Variants in SFMBT1 observed in about 807,000 individuals in gnomAD.
SFMBT1 encodes scm-like with four MBT domains protein 1.
SFMBT1 carries 32 observed loss-of-function variants against 108.7 expected under a neutral mutation model. The ratio of observed to expected loss-of-function variants is 0.29; its 90% CI spans 0.22 to 0.40. The LOEUF is 0.40. Ranked by LOEUF, SFMBT1 falls within the 10% of genes least tolerant of loss-of-function variation. SFMBT1 has a pLI of 1.00. For synonymous variants in SFMBT1, 348 were observed against 369.5 expected, an observed-to-expected ratio of 0.94 and a Z score of 0.67; for missense variants, 816 against 1,059.6, an observed-to-expected ratio of 0.77 and a Z score of 3.19.
intron 12 of SFMBT1, among the ~76,000 whole-genome samples, chr3:52,920,318 A>C (rs1044044756): frequency 2.6e-5 from 4 of 152,170 alleles, no homozygotes; most frequent in Non-Finnish European, 5.9e-5. Flanking sequence ...CCTGTGAGAG[A>C]CTCAGATCCA....
chr3:52,969,108 A>G lies in SFMBT1; in HGVS notation c.21T>C (p.Leu7=). 1 of 1,614,104 alleles carries G rather than the reference A, an allele frequency of 6.2e-7. No individual in the cohort carries two copies. The highest frequency in any genetic ancestry group is 8.5e-7 in the Non-Finnish European group (1 of 1,180,004). The part of the protein sequence containing the change: MNGEQQ[L]DADAGSGMEE... ...TGAGAATAAAACCAATACCTGCATC[A>G]AGCTGCTGCTCCCCGTTCATTTCCA... The change falls in exon 2 of 21, where the codon CTT becomes CTC. Residue 7 remains leucine, a synonymous_variant. Coordinates refer to ENST00000394752, the MANE Select transcript of SFMBT1 (RefSeq NM_016329.4).
At chr3:53,026,567 T>G (rs1270663318) in intron 1 of SFMBT1, among the ~76,000 whole-genome samples, 1 of 151,566 alleles carries the variant, frequency 6.6e-6, no homozygotes, top group Non-Finnish European at 1.5e-5. Flanking sequence ...TGCATGTTCA[T>G]GGCCACAAGT....
intron 1 of SFMBT1, among the ~76,000 whole-genome samples, chr3:52,977,306 C>T (rs1259269672): frequency 1.3e-5 from 2 of 151,908 alleles, no homozygotes; most frequent in African/African-American, 4.8e-5. Context: ...GTCAGGAGTT[C>T]GAGACCAGCC....
chr3:52,910,375 T>C (rs771077783), intron 17 of SFMBT1, among the ~76,000 whole-genome samples: 7 of 152,224 alleles, frequency 4.6e-5, no homozygotes, highest in Non-Finnish European at 1.0e-4. Context: ...CAATAACTAA[T>C]TTATATACAT....
intron 10 of SFMBT1, among the ~76,000 whole-genome samples, chr3:52,922,379 T>C (rs1490109200): frequency 6.6e-6 from 1 of 151,418 alleles, no homozygotes; most frequent in Non-Finnish European, 1.5e-5. Flanking sequence ...CGTGTCAAAA[T>C]GGACAACTGA....
chr3:52,969,010 C>T (rs767843901), intron 2 of SFMBT1, 91 bp downstream of exon 2: 1 of 1,491,334 alleles, frequency 6.7e-7, no homozygotes, highest in Non-Finnish European at 9.3e-7. Flanking sequence ...AAAGAGCTTC[C>T]AGTTCAGTGG....
intron 8 of SFMBT1, chr3:52,928,562 A>G (rs149720376): frequency 1.3e-4 from 42 of 315,220 alleles, no homozygotes; most frequent in African/African-American, 8.7e-4. Flanking sequence ...TGAATGAGGT[A>G]AGTACATATA....
At chr3:52,906,358 T>C in intron 19 of SFMBT1, 117 bp from the exon 20 acceptor site, 1 of 1,494,854 alleles carries the variant, frequency 6.7e-7, no homozygotes. Flanking sequence ...TCTTAGGACA[T>C]GATTTCTCCC....
At chr3:53,002,401 T>TAA (rs36044342) in intron 1 of SFMBT1, among the ~76,000 whole-genome samples, 1,785 of 106,916 alleles carry the variant, frequency 0.017, 67 homozygotes, top group African/African-American at 0.053. Context: ...TCCGTCTCAA[T>TAA]AAAAAAAAAA....
At chr3:52,943,023 T>C (rs1367747406) in intron 4 of SFMBT1, among the ~76,000 whole-genome samples, 1 of 152,076 alleles carries the variant, frequency 6.6e-6, no homozygotes, top group Non-Finnish European at 1.5e-5. Flanking sequence ...CAAAAGAAAA[T>C]CAACAGCACA....
intron 9 of SFMBT1, among the ~76,000 whole-genome samples, chr3:52,926,340 T>TCAAATTTCAA (rs1213524350): frequency 1.3e-5 from 2 of 152,258 alleles, no homozygotes; most frequent in African/African-American, 2.4e-5. Context: ...TGGATAAATT[T>TCAAATTTCAA]GTAAACTTTC....
chr3:52,995,680 G>C (rs1163333481), intron 1 of SFMBT1, among the ~76,000 whole-genome samples: 1 of 150,082 alleles, frequency 6.7e-6, no homozygotes, highest in Non-Finnish European at 1.5e-5. Flanking sequence ...GATTACAAGT[G>C]TGAGCTATTG....
chr3:52,965,251 A>G (rs2106851449), intron 2 of SFMBT1, among the ~76,000 whole-genome samples: 1 of 152,148 alleles, frequency 6.6e-6, no homozygotes, highest in South Asian at 2.1e-4. Flanking sequence ...AGAATGAAGC[A>G]GACAAGAAAG....
intron 1 of SFMBT1, among the ~76,000 whole-genome samples, chr3:53,038,085 C>T (rs1575455208): frequency 6.6e-6 from 1 of 151,950 alleles, no homozygotes; most frequent in East Asian, 1.9e-4. Context: ...GCCTGGGCAA[C>T]AAGAGCAAAA....
intron 1 of SFMBT1, among the ~76,000 whole-genome samples, chr3:53,010,062 T>C (rs1027103912): frequency 2.6e-5 from 4 of 152,138 alleles, no homozygotes; most frequent in African/African-American, 9.7e-5. Context: ...TGCTCTACTA[T>C]GTAGCAGCTA....
At chr3:53,045,629 C>T (rs1157629694) in intron 1 of SFMBT1, among the ~76,000 whole-genome samples, 187 bp downstream of exon 1, 1 of 141,078 alleles carries the variant, frequency 7.1e-6, no homozygotes, top group Non-Finnish European at 1.6e-5. Flanking sequence ...GCCCCCGCCC[C>T]CAACGTGCCG....
chr3:52,962,026 T>C (rs1024837233), intron 2 of SFMBT1, among the ~76,000 whole-genome samples: 2 of 152,172 alleles, frequency 1.3e-5, no homozygotes, highest in African/African-American at 4.8e-5. Flanking sequence ...TCCTTAAATA[T>C]ATGAAAATGT....
chr3:52,939,047 A>C (rs1010500925), intron 4 of SFMBT1, among the ~76,000 whole-genome samples: 1 of 152,184 alleles, frequency 6.6e-6, no homozygotes, highest in Admixed American at 6.5e-5. Context: ...ATTACATTCC[A>C]TTGTCTTTTG....
chr3:52,914,316 A>G (rs4687687), intron 14 of SFMBT1, among the ~76,000 whole-genome samples: 78,301 of 152,108 alleles, frequency 0.51, 21,894 homozygotes, highest in Non-Finnish European at 0.63. Flanking sequence ...ATACTGCTAT[A>G]AAGCACAGAG....
Sources: allele counts gnomAD v4.1 joint callset (sites outside exome capture counted in the v4.1 genomes callset), GRCh38; gene constraint gnomAD v4.1.1; transcripts MANE v1.5; gene names NCBI Gene and HGNC (gene_info 2026-07-23, HGNC 2026-07-21).